The following PTPRD variants were observed in gnomAD, a reference collection of about 807,000 sequenced individuals.
PTPRD encodes receptor-type tyrosine-protein phosphatase delta.
PTPRD carries 34 observed loss-of-function variants against 214.5 expected under a neutral mutation model. That is an observed-to-expected ratio of 0.16 (90% CI 0.12 to 0.21). PTPRD has a LOEUF of 0.21. Ranked by LOEUF, PTPRD falls within the 10% of genes least tolerant of loss-of-function variation. PTPRD has a pLI of 1.00. For missense variants in PTPRD, 2,545 were observed against 2,398.7 expected (o/e 1.06, Z -1.27); for synonymous variants, 1,128 against 845.7 (o/e 1.33, Z -5.79).
chr9:10,160,903 G>A (rs1019453415), intron 3 of PTPRD, among the ~76,000 whole-genome samples: 3 of 151,834 alleles, frequency 2.0e-5, no homozygotes, highest in Non-Finnish European at 4.4e-5. Flanking sequence ...CCAAAAATCA[G>A]TAGCAGTTAT....
At chr9:8,772,151 C>A (rs2095255092) in intron 11 of PTPRD, among the ~76,000 whole-genome samples, 3 of 151,880 alleles carry the variant, frequency 2.0e-5, no homozygotes, top group South Asian at 4.1e-4. Flanking sequence ...ACAACAACAA[C>A]AACAACAACA....
At chr9:8,469,335 T>G (rs1030044400) in intron 31 of PTPRD, among the ~76,000 whole-genome samples, 9 of 152,082 alleles carry the variant, frequency 5.9e-5, no homozygotes, top group Non-Finnish European at 1.3e-4. Context: ...GAAAGCTTAT[T>G]AGTTAAAACT....
intron 30 of PTPRD, among the ~76,000 whole-genome samples, chr9:8,483,479 G>A (rs1446353590): frequency 3.9e-5 from 6 of 152,058 alleles, no homozygotes; most frequent in Non-Finnish European, 7.4e-5. Flanking sequence ...GTAGCCGGGC[G>A]CGGTGGCTCA....
chr9:9,381,023 G>A (rs905877248), intron 9 of PTPRD, among the ~76,000 whole-genome samples: 1 of 151,996 alleles, frequency 6.6e-6, no homozygotes, highest in African/African-American at 2.4e-5. Flanking sequence ...TTTGCTTAGT[G>A]TTAGTATGGC....
At position 8,834,411 on chromosome 9, in the gene PTPRD, AAT is replaced by A. The variant is rs568439113; in HGVS notation, c.-103-100467_-103-100466del. ...TTTAAAAATTCAGCACCTATACAAA[AAT>A]AGTCTCTTTTATAACCTGTTTTTGT... is the stretch of plus-strand genomic sequence containing the variant. On this transcript the variant is annotated intron_variant, in intron 11 of 45. Coordinates refer to ENST00000381196, the MANE Select transcript of PTPRD (RefSeq NM_002839.4). Among the ~76,000 whole-genome samples the A allele has an allele frequency of 7.2e-4, 95 of 131,622 alleles. No homozygotes were observed. In the South Asian group the frequency reaches 0.014, roughly 19 times the overall value. The allele number at this position is 131,622 out of a possible 152,430, so 86.3% of individuals were successfully genotyped here.
rs147569930 is a variant in PTPRD at position 8,736,520 on chromosome 9, C to T, written c.-103-2574G>A. Among the ~76,000 whole-genome samples the T allele has an allele frequency of 3.3e-5, 5 of 152,214 alleles. No homozygotes were observed. In the East Asian group the frequency reaches 9.7e-4, roughly 29 times the overall value. On this transcript the variant is annotated intron_variant, in intron 11 of 45. Coordinates refer to ENST00000381196, the MANE Select transcript of PTPRD (RefSeq NM_002839.4). Reference sequence around the variant, plus strand: ...ACCTAATCCACTAAAATAACTTGTACTTTAAAAAGAATTATAATGCAGATA... The same window carrying T: ...ACCTAATCCACTAAAATAACTTGTATTTTAAAAAGAATTATAATGCAGATA...
At chr9:10,224,013 T>G (rs187338361) in intron 3 of PTPRD, among the ~76,000 whole-genome samples, 1 of 151,920 alleles carries the variant, frequency 6.6e-6, no homozygotes, top group African/African-American at 2.4e-5. Flanking sequence ...TTGAAAATTA[T>G]TTCAGGTTAA....
intron 7 of PTPRD, among the ~76,000 whole-genome samples, chr9:9,673,836 C>G (rs1190083875): frequency 2.0e-5 from 3 of 151,566 alleles, no homozygotes. Flanking sequence ...GGGCTGACAG[C>G]ATACCAAAAG....
intron 2 of PTPRD, among the ~76,000 whole-genome samples, chr9:10,442,429 A>G (rs901761158): frequency 3.3e-5 from 5 of 151,624 alleles, no homozygotes; most frequent in Non-Finnish European, 7.4e-5. Flanking sequence ...AGTTTGACCT[A>G]TAAGAATAAG....
rs746070460 is a variant in PTPRD at position 8,677,258 on chromosome 9, C to G, written c.65-40414G>C. ...AGCATTATTCACAATAGCAAAGACA[C>G]GGAATCAACCTAAATGTTCATCAAC... On this transcript the variant is annotated intron_variant, in intron 12 of 45. Transcript: ENST00000381196. Among the ~76,000 whole-genome samples the G allele has an allele frequency of 2.6e-5, 4 of 152,154 alleles. No homozygotes were observed. In the East Asian group the frequency reaches 7.7e-4, roughly 29 times the overall value.
At chr9:8,819,898 T>A (rs1393009740) in intron 11 of PTPRD, among the ~76,000 whole-genome samples, 2 of 152,098 alleles carry the variant, frequency 1.3e-5, no homozygotes, top group African/African-American at 4.8e-5. Context: ...GTTCTCCTTG[T>A]CCACACAATC....
chr9:10,159,405 C>T (rs1161709055), intron 3 of PTPRD, among the ~76,000 whole-genome samples: 1 of 150,146 alleles, frequency 6.7e-6, no homozygotes, highest in Non-Finnish European at 1.5e-5. Flanking sequence ...AAAAAAAAAG[C>T]CAGGCAGAGA....
chr9:8,471,703 C>A (rs2096657005), intron 30 of PTPRD, among the ~76,000 whole-genome samples: 1 of 152,016 alleles, frequency 6.6e-6, no homozygotes, highest in South Asian at 2.1e-4. Flanking sequence ...GACTTAAGGG[C>A]CTTCAAAACA....
intron 11 of PTPRD, among the ~76,000 whole-genome samples, chr9:8,766,825 A>C (rs1325658856): frequency 1.3e-5 from 2 of 152,176 alleles, no homozygotes; most frequent in African/African-American, 4.8e-5. Context: ...GTTTATTTAG[A>C]AGTTTCGTGA....
chr9:8,875,426 G>C (rs1328448338), intron 11 of PTPRD, among the ~76,000 whole-genome samples: 1 of 152,038 alleles, frequency 6.6e-6, no homozygotes, highest in Non-Finnish European at 1.5e-5. Context: ...TACAAACCAG[G>C]AAATTCTAGT....
intron 7 of PTPRD, among the ~76,000 whole-genome samples, chr9:9,676,233 G>T (rs918843257): frequency 6.6e-6 from 1 of 151,658 alleles, no homozygotes; most frequent in African/African-American, 2.4e-5. Flanking sequence ...CCAGTAACTC[G>T]TCATTTAACG....
At chr9:9,808,195 T>C (rs80142497) in intron 5 of PTPRD, among the ~76,000 whole-genome samples, 2,025 of 152,304 alleles carry the variant, frequency 0.013, 33 homozygotes, top group African/African-American at 0.045. Context: ...TTATAGGTTA[T>C]TGGGGCACAG....
chr9:8,549,684 T>G (rs532533144), intron 14 of PTPRD, among the ~76,000 whole-genome samples: 21 of 152,072 alleles, frequency 1.4e-4, no homozygotes, highest in African/African-American at 4.8e-4. Context: ...TGAAGTAAAA[T>G]AAACACAAGA....
chr9:10,528,561 A>ATATG (rs2134531751), intron 2 of PTPRD, among the ~76,000 whole-genome samples: 1 of 152,296 alleles, frequency 6.6e-6, no homozygotes, highest in East Asian at 1.9e-4. Flanking sequence ...CATTTGTATC[A>ATATG]TATGTATACT....
Sources: allele counts gnomAD v4.1 joint callset (sites outside exome capture counted in the v4.1 genomes callset), GRCh38; gene constraint gnomAD v4.1.1; transcripts MANE v1.5; gene names NCBI Gene and HGNC (gene_info 2026-07-23, HGNC 2026-07-21).